MAP4K4: variants seen among roughly 807,000 people sequenced by gnomAD.
MAP4K4 encodes mitogen-activated protein kinase kinase kinase kinase 4.
Under a neutral mutation model 189.6 loss-of-function variants are expected in MAP4K4, and 38 were observed. That is an observed-to-expected ratio of 0.20 (90% confidence interval 0.15 to 0.26). MAP4K4 has a LOEUF of 0.26. Among genes scored for constraint, MAP4K4 ranks in the 10% least tolerant of loss-of-function variants. MAP4K4 has a pLI of 1.00. For synonymous variants in MAP4K4, 610 were observed against 624.3 expected (o/e 0.98, Z 0.34); for missense variants, 1,054 against 1,726.9 (o/e 0.61, Z 6.91).
Position 101,888,784 on chromosome 2 carries a change from C to A in MAP4K4, c.3932-12C>A, listed in dbSNP as rs758285394. The A allele has an allele frequency of 6.4e-7, 1 of 1,568,810 alleles. No homozygotes were observed. Among genetic ancestry groups the A allele is most frequent in the Non-Finnish European group, 8.6e-7 (1 of 1,160,714 alleles). ...CATCTTTAACGGTTTGCAATTTTTC[C>A]CTCCCCAAAAGCATATATTCGATCC... On this transcript the variant is annotated splice_polypyrimidine_tract_variant and intron_variant, in intron 31 of 32. Transcript: ENST00000324219.
chr2:101,811,440 G>GTAT (rs2095423859), intron 3 of MAP4K4, among the ~76,000 whole-genome samples: 1 of 148,708 alleles, frequency 6.7e-6, no homozygotes, highest in Non-Finnish European at 1.5e-5. Flanking sequence ...GCTTCATTCT[G>GTAT]TATAGTGTCA....
chr2:101,758,810 G>A (rs2074240304), intron 2 of MAP4K4, among the ~76,000 whole-genome samples: 1 of 152,194 alleles, frequency 6.6e-6, no homozygotes, highest in Non-Finnish European at 1.5e-5. Context: ...TAAAATGAAA[G>A]TGATCTCTTA....
chr2:101,712,496 A>AT (rs147017891), intron 2 of MAP4K4, among the ~76,000 whole-genome samples: 18,032 of 149,932 alleles, frequency 0.12, 1,384 homozygotes, highest in South Asian at 0.19. Context: ...GCCTGGCCCT[A>AT]TTTTTTATTT....
At chr2:101,851,724 C>CTTTTTTTTTTTTTTTTTTTTTTTTTT (rs36217584) in intron 12 of MAP4K4, among the ~76,000 whole-genome samples, 8 of 67,908 alleles carry the variant, frequency 1.2e-4, no homozygotes, top group Non-Finnish European at 2.1e-4. Flanking sequence ...TAACTGTCCT[C>CTTTTTTTTTTTTTTTTTTTTTTTTTT]TTTTTTTTTT....
chr2:101,786,027 T>C (rs956503245), intron 2 of MAP4K4, among the ~76,000 whole-genome samples: 12 of 152,106 alleles, frequency 7.9e-5, no homozygotes, highest in African/African-American at 2.9e-4. Flanking sequence ...GGTTTCACCA[T>C]GTTGGCCAGG....
At chr2:101,728,175 G>A (rs1418105439) in intron 2 of MAP4K4, among the ~76,000 whole-genome samples, 1 of 152,160 alleles carries the variant, frequency 6.6e-6, no homozygotes, top group African/African-American at 2.4e-5. Flanking sequence ...CCAAAGTACA[G>A]ATTGTCATAG....
rs563929697 is a variant in MAP4K4 at position 101,888,032 on chromosome 2, C to G, written c.3931+95C>G. The G allele has an allele frequency of 2.7e-6, 3 of 1,129,944 alleles. No homozygotes were observed. In the East Asian group the frequency reaches 7.3e-5, roughly 28 times the overall value. 70.0% of individuals were successfully genotyped at this position (1,129,944 alleles called of 1,614,324 possible). ...ATGCTGATTTTGTATGTCCTTCAGACCTTTTGACTACCATTGAACAGAGTA... is the reference window on the plus strand; with the variant it reads ...ATGCTGATTTTGTATGTCCTTCAGAGCTTTTGACTACCATTGAACAGAGTA... On this transcript the variant is annotated intron_variant, in intron 31 of 32. Transcript: ENST00000324219.
intron 28 of MAP4K4, 65 bp from the exon 29 acceptor site, chr2:101,885,122 C>A: frequency 1.3e-6 from 1 of 748,948 alleles, no homozygotes; most frequent in Non-Finnish European, 2.1e-6. Flanking sequence ...ACAACTAAAA[C>A]AGTTTAGAGG....
intron 2 of MAP4K4, among the ~76,000 whole-genome samples, chr2:101,758,451 A>G (rs1237503637): frequency 6.6e-6 from 1 of 152,182 alleles, no homozygotes; most frequent in Admixed American, 6.5e-5. Context: ...CCAAATGCAT[A>G]TTGAAAATAT....
At chr2:101,829,785 C>G (rs1298160733) in intron 6 of MAP4K4, 191 bp downstream of exon 6, 2 of 522,580 alleles carry the variant, frequency 3.8e-6, no homozygotes, top group Admixed American at 3.1e-5. Context: ...GTTTGTGCCC[C>G]CCTGCCCCCT....
intron 5 of MAP4K4, among the ~76,000 whole-genome samples, chr2:101,827,834 T>C (rs954903315): frequency 7.9e-5 from 12 of 152,344 alleles, no homozygotes; most frequent in African/African-American, 2.6e-4. Context: ...TTTTATTCTG[T>C]GACCATGCAT....
chr2:101,798,253 ACTGTATAT>A (rs1228371290), intron 3 of MAP4K4, among the ~76,000 whole-genome samples: 3 of 152,124 alleles, frequency 2.0e-5, no homozygotes, highest in Non-Finnish European at 2.9e-5. Context: ...GTACAGATAT[ACTGTATAT>A]CTGTATATAA....
At chr2:101,887,093 T>C in exon 30 of MAP4K4, 1 of 1,564,786 alleles carries the variant, frequency 6.4e-7, no homozygotes, top group East Asian at 2.3e-5. Flanking sequence ...TGCAGTCATT[T>C]GGAGAATTGG....
intron 3 of MAP4K4, among the ~76,000 whole-genome samples, chr2:101,816,049 A>C (rs2095693263): frequency 6.6e-6 from 1 of 152,110 alleles, no homozygotes; most frequent in African/African-American, 2.4e-5. Context: ...CTGTCTCCTC[A>C]ACTCAGAGAC....
intron 13 of MAP4K4, 79 bp from the exon 14 acceptor site, chr2:101,858,917 G>T (rs1234787550): frequency 4.1e-6 from 4 of 970,784 alleles, no homozygotes; most frequent in South Asian, 1.5e-5. Context: ...TGGAGCAAAT[G>T]GTTCTTGGTG....
At chr2:101,702,176 T>G (rs546137735) in intron 2 of MAP4K4, among the ~76,000 whole-genome samples, 2 of 152,312 alleles carry the variant, frequency 1.3e-5, no homozygotes, top group South Asian at 4.1e-4. Flanking sequence ...TATTGTTATT[T>G]TAAATATTTA....
At chr2:101,835,254 G>T (rs1425638962) in intron 8 of MAP4K4, among the ~76,000 whole-genome samples, 1 of 152,182 alleles carries the variant, frequency 6.6e-6, no homozygotes, top group East Asian at 1.9e-4. Flanking sequence ...GAATAGTATT[G>T]TCTGCCTCTC....
intron 3 of MAP4K4, among the ~76,000 whole-genome samples, chr2:101,816,810 A>C (rs945724698): frequency 6.6e-6 from 1 of 152,158 alleles, no homozygotes; most frequent in African/African-American, 2.4e-5. Context: ...CTAGTTCTTC[A>C]GGCTCTCCTA....
At position 101,702,853 on chromosome 2, in the gene MAP4K4, G is replaced by A. The variant is rs564312725; in HGVS notation, c.123+4315G>A. ...GACCTTGATGGTAAGGGGAGCTAAC[G>A]CTAAGAGTTTGCTCATTCGATGCCC... On this transcript the variant is annotated intron_variant, in intron 2 of 32. Transcript: ENST00000324219. Among the ~76,000 whole-genome samples, 9 of 152,264 alleles carry A rather than the reference G, an allele frequency of 5.9e-5. No homozygotes were observed. The Middle Eastern group carries it at 0.01, about 173-fold the overall frequency.
Sources: allele counts gnomAD v4.1 joint callset (sites outside exome capture counted in the v4.1 genomes callset), GRCh38; gene constraint gnomAD v4.1.1; transcripts MANE v1.5; gene names NCBI Gene and HGNC (gene_info 2026-07-23, HGNC 2026-07-21).